Variants in ITFG1 observed in about 807,000 individuals in gnomAD.
ITFG1 encodes integrin alpha FG-GAP repeat containing 1.
A neutral mutation model predicts 81.8 loss-of-function variants in ITFG1; 34 were observed. The observed-to-expected ratio is 0.42, with a 90% CI of 0.32 to 0.55. The LOEUF (loss-of-function observed/expected upper bound fraction) is 0.55, where lower values mean the gene tolerates loss of function less well. Among genes scored for constraint, ITFG1 ranks in the 20% least tolerant of loss-of-function variants. The probability of loss-of-function intolerance (pLI) is 0.17; values close to 1 mark genes in which losing one functional copy is unlikely to be tolerated. For missense variants in ITFG1, 672 were observed against 755.4 expected (o/e 0.89, Z 1.29); for synonymous variants, 285 against 270.6 (o/e 1.05, Z -0.52).
At chr16:47,422,906 T>G (rs946042092) in intron 6 of ITFG1, among the ~76,000 whole-genome samples, 1 of 152,176 alleles carries the variant, frequency 6.6e-6, no homozygotes, top group Non-Finnish European at 1.5e-5. Flanking sequence ...TTCTGTTGAT[T>G]TGGGGTGGAC....
intron 12 of ITFG1, among the ~76,000 whole-genome samples, chr16:47,254,890 A>T (rs1161944550): frequency 6.6e-6 from 1 of 152,206 alleles, no homozygotes; most frequent in African/African-American, 2.4e-5. Context: ...CACTGGCTCC[A>T]GCCTGGCCAA....
chr16:47,430,328 A>C (rs1969079823), intron 5 of ITFG1, among the ~76,000 whole-genome samples: 1 of 151,816 alleles, frequency 6.6e-6, no homozygotes, highest in Non-Finnish European at 1.5e-5. Flanking sequence ...GGCCTCCCAA[A>C]GTGTTGGGAT....
intron 6 of ITFG1, among the ~76,000 whole-genome samples, chr16:47,421,249 C>T (rs1968943112): frequency 6.7e-6 from 1 of 150,148 alleles, no homozygotes; most frequent in Non-Finnish European, 1.5e-5. Context: ...TGTATATATA[C>T]ACACATATAT....
intron 6 of ITFG1, among the ~76,000 whole-genome samples, chr16:47,383,050 G>A (rs1184417020): frequency 6.6e-6 from 1 of 152,100 alleles, no homozygotes; most frequent in Non-Finnish European, 1.5e-5. Flanking sequence ...GTGAGGTCAG[G>A]ACCTTAAGGA....
At chr16:47,307,114 A>AC (rs1967179249) in intron 10 of ITFG1, among the ~76,000 whole-genome samples, 1 of 148,204 alleles carries the variant, frequency 6.7e-6, no homozygotes, top group Admixed American at 6.7e-5. Flanking sequence ...AAAAAAAAAA[A>AC]AAAAAAAAAC....
chr16:47,254,886 C>T (rs930911799), intron 12 of ITFG1, among the ~76,000 whole-genome samples: 1 of 152,042 alleles, frequency 6.6e-6, no homozygotes, highest in South Asian at 2.1e-4. Flanking sequence ...AGTACACTGG[C>T]TCCAGCCTGG....
chr16:47,240,529 G>A (rs753093882), intron 12 of ITFG1, among the ~76,000 whole-genome samples: 8 of 152,150 alleles, frequency 5.3e-5, no homozygotes, highest in Non-Finnish European at 1.2e-4. Context: ...TGGCCACTGA[G>A]CTCATGAAAA....
chr16:47,411,833 C>A (rs1004260412), intron 6 of ITFG1, among the ~76,000 whole-genome samples: 1 of 152,192 alleles, frequency 6.6e-6, no homozygotes, highest in African/African-American at 2.4e-5. Flanking sequence ...AGCGCTCTTG[C>A]AAATGTAGTC....
At chr16:47,343,504 A>G (rs1967811526) in intron 8 of ITFG1, among the ~76,000 whole-genome samples, 1 of 152,130 alleles carries the variant, frequency 6.6e-6, no homozygotes. Flanking sequence ...GAAAAATTCA[A>G]TAATAAAAAG....
At chr16:47,295,920 C>T (rs1852971174) in intron 10 of ITFG1, among the ~76,000 whole-genome samples, 1 of 152,050 alleles carries the variant, frequency 6.6e-6, no homozygotes, top group Non-Finnish European at 1.5e-5. Context: ...TTTTGGGAGG[C>T]AGGGCCTCAC....
chr16:47,186,067 T>G (rs1314944596), intron 14 of ITFG1, among the ~76,000 whole-genome samples: 1 of 152,072 alleles, frequency 6.6e-6, no homozygotes, highest in Non-Finnish European at 1.5e-5. Flanking sequence ...CAGGAAGAAG[T>G]TGAATCTCTG....
chr16:47,157,894 T>C (rs1964740085), intron 17 of ITFG1, among the ~76,000 whole-genome samples: 1 of 152,178 alleles, frequency 6.6e-6, no homozygotes, highest in Admixed American at 6.5e-5. Context: ...AGGGCATTGA[T>C]TGGAACCCAT....
chr16:47,426,345 T>C (rs1233972723), intron 6 of ITFG1: 1 of 151,812 alleles, frequency 6.6e-6, no homozygotes, highest in Non-Finnish European at 1.5e-5. Flanking sequence ...AAGATAGATT[T>C]TTCCTAAAAA....
intron 14 of ITFG1, among the ~76,000 whole-genome samples, chr16:47,188,596 T>C (rs1205533248): frequency 5.9e-5 from 7 of 118,614 alleles, no homozygotes; most frequent in Non-Finnish European, 1.2e-4. Context: ...GGAAACATCA[T>C]ACTCTGGGGA....
chr16:47,207,050 A>G (rs1002083064), intron 14 of ITFG1, among the ~76,000 whole-genome samples: 18 of 152,236 alleles, frequency 1.2e-4, no homozygotes, highest in African/African-American at 2.4e-5. Flanking sequence ...TGCTGGGAAT[A>G]CAGAAGTGAA....
At chr16:47,155,853 T>C in intron 17 of ITFG1, 75 bp from the exon 18 acceptor site, 1 of 1,055,388 alleles carries the variant, frequency 9.5e-7, no homozygotes, top group Non-Finnish European at 1.4e-6. Flanking sequence ...AAATACACAG[T>C]GATTCATTTT....
intron 6 of ITFG1, among the ~76,000 whole-genome samples, chr16:47,400,476 A>C (rs1297292010): frequency 6.6e-6 from 1 of 151,820 alleles, no homozygotes; most frequent in Non-Finnish European, 1.5e-5. Flanking sequence ...ACACACACAC[A>C]CACACACACA....
chr16:47,443,449 G>T (rs1397300940), intron 5 of ITFG1, among the ~76,000 whole-genome samples: 2 of 152,122 alleles, frequency 1.3e-5, no homozygotes, highest in Non-Finnish European at 2.9e-5. Flanking sequence ...ACATGCACAC[G>T]TATGTTTATT....
chr16:47,173,020 T>C (rs1964979869), intron 14 of ITFG1, among the ~76,000 whole-genome samples: 1 of 152,050 alleles, frequency 6.6e-6, no homozygotes, highest in African/African-American at 2.4e-5. Context: ...AATCTAGGAG[T>C]GCTTATATAT....
Sources: allele counts gnomAD v4.1 joint callset (sites outside exome capture counted in the v4.1 genomes callset), GRCh38; gene constraint gnomAD v4.1.1; transcripts MANE v1.5; gene names NCBI Gene and HGNC (gene_info 2026-07-23, HGNC 2026-07-21).